Variants in SMARCC1 observed in about 807,000 individuals in gnomAD.
The protein encoded by SMARCC1 is SWI/SNF complex subunit SMARCC1.
Under a neutral mutation model 147.4 loss-of-function variants are expected in SMARCC1, and 43 were observed. The observed-to-expected ratio is 0.29, with a 90% CI of 0.23 to 0.38. The LOEUF is 0.38. Ranked by LOEUF, SMARCC1 falls within the 10% of genes least tolerant of loss-of-function variation. The pLI, the probability that SMARCC1 is intolerant of heterozygous loss-of-function variation, is 1.00. For synonymous variants in SMARCC1, 495 were observed against 484.4 expected (o/e 1.02, Z -0.29); for missense variants, 1,119 against 1,381.1 (o/e 0.81, Z 3.01).
At chr3:47,692,340 A>G (rs1176380226) in intron 12 of SMARCC1, among the ~76,000 whole-genome samples, 3 of 152,216 alleles carry the variant, frequency 2.0e-5, no homozygotes, top group Non-Finnish European at 2.9e-5. Flanking sequence ...AGACTTGGAA[A>G]TACTAGGAAA....
At chr3:47,602,273 C>T (rs577383961) in intron 26 of SMARCC1, among the ~76,000 whole-genome samples, 1 of 152,200 alleles carries the variant, frequency 6.6e-6, no homozygotes, top group Admixed American at 6.5e-5. Flanking sequence ...GGCTGGGCGA[C>T]ACAGCAAAAC....
intron 1 of SMARCC1, 65 bp from the exon 2 acceptor site, chr3:47,773,001 T>A: frequency 6.7e-7 from 1 of 1,502,450 alleles, no homozygotes; most frequent in Non-Finnish European, 9.2e-7. Flanking sequence ...GTTGGCTTAC[T>A]TCCTAGTACC....
intron 21 of SMARCC1, among the ~76,000 whole-genome samples, chr3:47,648,035 C>T (rs1226710399): frequency 6.6e-6 from 1 of 152,158 alleles, no homozygotes; most frequent in Non-Finnish European, 1.5e-5. Flanking sequence ...CACTCTGTTG[C>T]CCAGGCTGGA....
chr3:47,635,281 G>A lies in SMARCC1; in HGVS notation c.2555C>T (p.Thr852Ile). The A allele has an allele frequency of 6.2e-7, 1 of 1,612,486 alleles. No homozygotes were observed. Residue 852 changes from threonine (T) to isoleucine (I), a missense_variant, in exon 24 of 28, where the codon ACT becomes ATT. Thr to Ile is a moderately conservative substitution (Grantham distance 89, BLOSUM62 -1). Around this residue, in one of 6 missense-constraint regions of SMARCC1, gnomAD observed 157 missense variants for 158.6 expected, o/e 0.99. Coordinates refer to ENST00000254480, the MANE Select transcript of SMARCC1 (RefSeq NM_003074.4). ...TDTCKERESD[T>I]GKKKVEHEIS... Reference sequence around the variant, plus strand: ...TTCATGTTCTACTTTCTTCTTCCCAGTATCACTTTCTCTTTCTTTACATGT... The same window carrying A: ...TTCATGTTCTACTTTCTTCTTCCCAATATCACTTTCTCTTTCTTTACATGT...
Position 47,708,083 on chromosome 3 carries a change from C to CTTTTTTTT in SMARCC1, c.919-1561_919-1554dup, listed in dbSNP as rs915291740. On this transcript the variant is annotated intron_variant, in intron 9 of 27. Coordinates refer to ENST00000254480, the MANE Select transcript of SMARCC1 (RefSeq NM_003074.4). ...GTAAATCTGAAGTTGAATTTTTTTT[C>CTTTTTTTT]TTTTTTTTTTTTTTTTTTTTTTTTT... Among the ~76,000 whole-genome samples the CTTTTTTTT allele has an allele frequency of 1.2e-3, 74 of 64,290 alleles. 1 individual carries two copies. The highest frequency in any genetic ancestry group is 1.3e-3 in the African/African-American group (20 of 15,072). 42.2% of individuals were successfully genotyped at this position (64,290 alleles called of 152,430 possible). A position where few individuals can be genotyped will look rare whatever the true frequency, so the allele number is the denominator to read the frequency against.
chr3:47,763,350 T>C (rs970544373), intron 2 of SMARCC1, among the ~76,000 whole-genome samples: 7 of 148,434 alleles, frequency 4.7e-5, no homozygotes, highest in Admixed American at 3.4e-4. Flanking sequence ...GGCAGGAGGA[T>C]AGCTTGAGCC....
At chr3:47,602,740 A>T (rs1322865298) in intron 26 of SMARCC1, among the ~76,000 whole-genome samples, 1 of 152,240 alleles carries the variant, frequency 6.6e-6, no homozygotes, top group Non-Finnish European at 1.5e-5. Context: ...TTTAAATCAA[A>T]CATGTTCTTT....
At chr3:47,691,356 G>A (rs2033786780) in intron 12 of SMARCC1, among the ~76,000 whole-genome samples, 1 of 152,202 alleles carries the variant, frequency 6.6e-6, no homozygotes, top group South Asian at 2.1e-4. Context: ...GCTCACGCCT[G>A]TAATCCCAGC....
intron 2 of SMARCC1, among the ~76,000 whole-genome samples, chr3:47,758,579 G>A (rs2034731584): frequency 6.6e-6 from 1 of 151,994 alleles, no homozygotes; most frequent in South Asian, 2.1e-4. Flanking sequence ...TACTTATTAT[G>A]TACTGCATAT....
At chr3:47,672,723 G>A (rs549803300) in intron 18 of SMARCC1, among the ~76,000 whole-genome samples, 1 of 152,218 alleles carries the variant, frequency 6.6e-6, no homozygotes, top group South Asian at 2.1e-4. Flanking sequence ...CCACTTCTCA[G>A]CCACAAAGTG....
At chr3:47,593,496 T>C (rs930855263) in intron 26 of SMARCC1, among the ~76,000 whole-genome samples, 1 of 152,152 alleles carries the variant, frequency 6.6e-6, no homozygotes, top group Non-Finnish European at 1.5e-5. Context: ...GTAGGACAAA[T>C]TATATTCTCT....
intron 21 of SMARCC1, among the ~76,000 whole-genome samples, chr3:47,647,325 T>A (rs543298614): frequency 6.6e-6 from 1 of 152,326 alleles, no homozygotes; most frequent in East Asian, 1.9e-4. Context: ...TAATATTCCA[T>A]AAATTATATG....
At chr3:47,753,210 A>C (rs1431514197) in intron 2 of SMARCC1, among the ~76,000 whole-genome samples, 1 of 151,812 alleles carries the variant, frequency 6.6e-6, no homozygotes, top group Non-Finnish European at 1.5e-5. Context: ...CTGTAGTCCC[A>C]GCTACTCAGG....
At chr3:47,637,222 T>G (rs2032982888) in intron 22 of SMARCC1, among the ~76,000 whole-genome samples, 1 of 152,146 alleles carries the variant, frequency 6.6e-6, no homozygotes, top group Non-Finnish European at 1.5e-5. Context: ...TAAATGAAAT[T>G]AAAAATGTGA....
At chr3:47,636,228 A>G (rs2032966828) in intron 22 of SMARCC1, 92 bp from the exon 23 acceptor site, 2 of 682,038 alleles carry the variant, frequency 2.9e-6, no homozygotes, top group Non-Finnish European at 5.1e-6. Context: ...AAAAGGTTCC[A>G]ATATTTTTGG....
At chr3:47,658,458 C>T (rs1355542506) in intron 21 of SMARCC1, among the ~76,000 whole-genome samples, 2 of 152,208 alleles carry the variant, frequency 1.3e-5, no homozygotes, top group Non-Finnish European at 2.9e-5. Context: ...TGCAGAGCAA[C>T]CATTAATCTA....
At chr3:47,740,350 C>A (rs1255863604) in intron 3 of SMARCC1, among the ~76,000 whole-genome samples, 3 of 151,614 alleles carry the variant, frequency 2.0e-5, no homozygotes, top group Non-Finnish European at 4.4e-5. Flanking sequence ...CATGCACCAC[C>A]ACACCCTGCT....
intron 26 of SMARCC1, among the ~76,000 whole-genome samples, chr3:47,609,617 T>C (rs1189725790): frequency 1.3e-5 from 2 of 152,128 alleles, no homozygotes; most frequent in East Asian, 1.9e-4. Context: ...AGCTGTCCAA[T>C]AGGTACATGG....
chr3:47,736,601 G>T (rs2034447116), intron 4 of SMARCC1, among the ~76,000 whole-genome samples: 1 of 151,276 alleles, frequency 6.6e-6, no homozygotes, highest in Admixed American at 6.6e-5. Flanking sequence ...GCGTGAACCC[G>T]GGAGGTTGGA....
Sources: gnomAD v4.1 joint callset for allele counts (sites outside exome capture counted in the v4.1 genomes callset) on GRCh38, gnomAD v4.1.1 for gene constraint, gnomAD v4.1.1 regional missense constraint, MANE v1.5 for transcripts, NCBI Gene and HGNC (gene_info 2026-07-23, HGNC 2026-07-21) for gene names.